Variants in BAZ1A observed in about 807,000 individuals in gnomAD.
BAZ1A encodes bromodomain adjacent to zinc finger domain protein 1A.
Under a neutral mutation model 185.2 loss-of-function variants are expected in BAZ1A, and 50 were observed. The ratio of observed to expected loss-of-function variants is 0.27; its 90% CI spans 0.22 to 0.34. BAZ1A has a LOEUF of 0.34. BAZ1A is among the 10% of genes least tolerant of loss of function. BAZ1A has a pLI of 1.00. For synonymous variants in BAZ1A, 571 were observed against 615.6 expected, an observed-to-expected ratio of 0.93 and a Z score of 1.07; for missense variants, 1,356 against 1,839.9, an observed-to-expected ratio of 0.74 and a Z score of 4.81.
At chr14:34,828,764 A>C (rs1188868777) in intron 3 of BAZ1A, 1 of 152,170 alleles carries the variant, frequency 6.6e-6, no homozygotes, top group African/African-American at 2.4e-5. Flanking sequence ...GAAAGTTTTT[A>C]TCTATCTCTA....
intron 3 of BAZ1A, among the ~76,000 whole-genome samples, chr14:34,851,029 C>T (rs932273409): frequency 4.6e-5 from 7 of 152,130 alleles, no homozygotes; most frequent in South Asian, 2.1e-4. Context: ...AAAAGAGATG[C>T]TTGTAAAAAG....
In BAZ1A at chr14:34,753,534, G is replaced by A. The variant is rs757510822; in HGVS notation, c.4645C>T (p.Pro1549Ser). The change falls in exon 27 of 27, where the codon CCG becomes TCG. Residue 1549 changes from proline (P) to serine (S), a missense_variant. By Grantham distance (74) the Pro-to-Ser change is moderately conservative. This residue lies in a region of BAZ1A where 25 missense variants were observed against 20.1 expected (regional missense o/e 1.24). Transcript: ENST00000360310. ...PSNVDQVSTPPAAKKSRI is the reference protein window; with the variant it reads ...PSNVDQVSTPSAAKKSRI ...CAGATTCGTGACTTTTTCGCAGCCGGTGGTGTGCTAACTTGGTCCACATTA... is the reference window on the plus strand; with the variant it reads ...CAGATTCGTGACTTTTTCGCAGCCGATGGTGTGCTAACTTGGTCCACATTA... 2.3e-5 allele frequency: 37 copies of A among 1,613,904 alleles called. 1 individual carries two copies. The highest frequency in any genetic ancestry group is 1.0e-4 in the Admixed American group (6 of 59,966).
chr14:34,756,277 C>T (rs8016548), intron 25 of BAZ1A, among the ~76,000 whole-genome samples: 35,035 of 150,670 alleles, frequency 0.23, 4,392 homozygotes, highest in Non-Finnish European at 0.28. Flanking sequence ...CCATGCCCGG[C>T]TAATTTTTTG....
chr14:34,845,810 G>A (rs1328945959), intron 3 of BAZ1A, among the ~76,000 whole-genome samples: 6 of 148,812 alleles, frequency 4.0e-5, no homozygotes, highest in African/African-American at 5.0e-5. Flanking sequence ...GCAGTGAGCC[G>A]AGATCGTGCC....
intron 4 of BAZ1A, among the ~76,000 whole-genome samples, chr14:34,813,470 G>A (rs1297078056): frequency 1.3e-5 from 2 of 151,808 alleles, no homozygotes; most frequent in Non-Finnish European, 2.9e-5. Flanking sequence ...ATCACCTGAG[G>A]TCAGGAGTTG....
At chr14:34,816,394 G>A (rs1343246994) in intron 4 of BAZ1A, among the ~76,000 whole-genome samples, 2 of 151,962 alleles carry the variant, frequency 1.3e-5, no homozygotes. Flanking sequence ...AGCCCCAGAT[G>A]TTTCTAAAAT....
At chr14:34,765,332 G>C in intron 21 of BAZ1A, 64 bp from the exon 22 acceptor site, 1 of 1,560,446 alleles carries the variant, frequency 6.4e-7, no homozygotes, top group African/African-American at 1.4e-5. Flanking sequence ...CCTAGAAATA[G>C]TTTGTTGGTA....
rs1225939081 is a variant in BAZ1A, at chr14:34,784,367, C to CCAAAAAAAAAAAAAAAAAAAAAAAAAA, written c.1832-441_1832-440insTTTTTTTTTTTTTTTTTTTTTTTTTTG. The stretch of plus-strand genomic sequence containing the variant: ...TGGGCAACTGAGTGAGACTCTGTCT[C>CCAAAAAAAAAAAAAAAAAAAAAAAAAA]AAAAAAAAAAAAAAAAAAAAAAAAA... On this transcript the variant is annotated intron_variant, in intron 14 of 26. Transcript: ENST00000360310. Among the ~76,000 whole-genome samples the CCAAAAAAAAAAAAAAAAAAAAAAAAAA allele has an allele frequency of 2.3e-4, 18 of 77,178 alleles. 3 individuals carry two copies. The highest frequency in any genetic ancestry group is 5.5e-4 in the African/African-American group (9 of 16,420). 50.6% of individuals were successfully genotyped at this position (77,178 alleles called of 152,430 possible).
At chr14:34,838,013 G>A (rs1399657085) in intron 3 of BAZ1A, among the ~76,000 whole-genome samples, 1 of 151,986 alleles carries the variant, frequency 6.6e-6, no homozygotes, top group East Asian at 1.9e-4. Flanking sequence ...CCTCTATTTT[G>A]AGCCATCCTG....
intron 26 of BAZ1A, 77 bp from the exon 27 acceptor site, chr14:34,753,781 G>A: frequency 8.1e-7 from 1 of 1,230,456 alleles, no homozygotes; most frequent in African/African-American, 1.5e-5. Flanking sequence ...TATCATATCT[G>A]GAAATTTTAT....
chr14:34,864,626 G>A (rs10133537), intron 2 of BAZ1A, among the ~76,000 whole-genome samples: 32,740 of 147,414 alleles, frequency 0.22, 3,719 homozygotes, highest in Middle Eastern at 0.34. Flanking sequence ...GATTACAGAC[G>A]CGCGCCACCA....
intron 21 of BAZ1A, among the ~76,000 whole-genome samples, chr14:34,769,829 C>T (rs1416487738): frequency 2.0e-5 from 3 of 152,114 alleles, no homozygotes; most frequent in Non-Finnish European, 2.9e-5. Context: ...AGAGTGATCC[C>T]TTGTACACAT....
At chr14:34,865,641 T>G (rs1022144023) in intron 2 of BAZ1A, among the ~76,000 whole-genome samples, 2 of 152,200 alleles carry the variant, frequency 1.3e-5, no homozygotes, top group African/African-American at 4.8e-5. Flanking sequence ...TTAAATGAGA[T>G]CTACAGAAAT....
chr14:34,786,010 G>T lies in BAZ1A; in HGVS notation c.1607-9C>A. 6 of 1,609,980 alleles carry T rather than the reference G, an allele frequency of 3.7e-6. No individual in the cohort carries two copies. Among genetic ancestry groups the T allele is most frequent in the Non-Finnish European group, 5.1e-6 (6 of 1,177,668 alleles). On this transcript the variant is annotated splice_polypyrimidine_tract_variant and intron_variant, in intron 13 of 26. Coordinates refer to ENST00000360310, the MANE Select transcript of BAZ1A (RefSeq NM_013448.3). ...ACTTTTCAAACTGCAGCCTATAGTT[G>T]TTAAAAATGAAATAGTCATTTAGAA... is the stretch of plus-strand genomic sequence containing the variant.
chr14:34,825,109 T>C (rs899078102), intron 4 of BAZ1A, among the ~76,000 whole-genome samples: 53 of 152,194 alleles, frequency 3.5e-4, no homozygotes, highest in African/African-American at 1.2e-3. Flanking sequence ...TTCTTTATTA[T>C]GTGCCCCAAA....
At chr14:34,754,254 CAA>C (rs59411665) in intron 26 of BAZ1A, among the ~76,000 whole-genome samples, 8 of 97,286 alleles carry the variant, frequency 8.2e-5, no homozygotes, top group East Asian at 3.0e-4. Context: ...TCCATCATCT[CAA>C]AAAAAAAAAA....
intron 21 of BAZ1A, among the ~76,000 whole-genome samples, chr14:34,766,182 T>C (rs1341514567): frequency 6.6e-6 from 1 of 152,178 alleles, no homozygotes; most frequent in African/African-American, 2.4e-5. Flanking sequence ...CCTCTAAGGG[T>C]TGCTGGAAAC....
chr14:34,873,632 A>C (rs3783313), intron 2 of BAZ1A, among the ~76,000 whole-genome samples: 109,149 of 151,932 alleles, frequency 0.72, 39,606 homozygotes, highest in Non-Finnish European at 0.78. Context: ...TCCCCCAACA[A>C]CCTCCACCGC....
chr14:34,774,651 A>G (rs1348762380), intron 18 of BAZ1A, among the ~76,000 whole-genome samples, 161 bp from the exon 19 acceptor site: 1 of 152,172 alleles, frequency 6.6e-6, no homozygotes, highest in African/African-American at 2.4e-5. Flanking sequence ...TTTATCTTAT[A>G]AAGCCCTTGT....
Sources: allele counts gnomAD v4.1 joint callset (sites outside exome capture counted in the v4.1 genomes callset), GRCh38; gene constraint gnomAD v4.1.1; regional missense constraint gnomAD v4.1.1; transcripts MANE v1.5; gene names NCBI Gene and HGNC (gene_info 2026-07-23, HGNC 2026-07-21).